TMEM200A: variants seen among roughly 807,000 people sequenced by gnomAD.
TMEM200A encodes the protein two transmembrane C.
In TMEM200A, 12 loss-of-function variants were observed where a neutral mutation model predicts 24.3. The ratio of observed to expected loss-of-function variants is 0.49; its 90% CI spans 0.32 to 0.80. TMEM200A has a LOEUF of 0.80. Ranked by LOEUF, TMEM200A falls within the 30% of genes least tolerant of loss-of-function variation. The pLI, the probability that TMEM200A is intolerant of heterozygous loss-of-function variation, is 0.04. For synonymous variants in TMEM200A, 224 were observed against 224.4 expected, an observed-to-expected ratio of 1.00 and a Z score of 0.02; for missense variants, 545 against 614.4, an observed-to-expected ratio of 0.89 and a Z score of 1.19.
In TMEM200A at chr6:130,441,742, G is replaced by A; in HGVS notation, c.1320G>A (p.Met440Ile). The change falls in exon 3 of 3, where the codon ATG becomes ATA. Residue 440 changes from methionine to isoleucine, a missense_variant. By Grantham distance (10) the Met-to-Ile change is conservative (BLOSUM62 1). Coordinates refer to ENST00000296978, the MANE Select transcript of TMEM200A (RefSeq NM_001258277.2). ...AACTAGAGAACAAAGAAGACCCGAT[G>A]GATAGGTTGCTTGTGCCCCAAGTTG... ...YMKLENKEDP[M>I]DRLLVPQVAI... The A allele has an allele frequency of 6.2e-7, 1 of 1,614,078 alleles. No individual in the cohort carries two copies. The highest frequency in any genetic ancestry group is 8.5e-7 in the Non-Finnish European group (1 of 1,179,982).
rs529031235 is a variant in TMEM200A, at chr6:130,369,777, C to G, written c.-81+3253C>G. On this transcript the variant is annotated intron_variant, in intron 1 of 2. Coordinates refer to ENST00000296978, the MANE Select transcript of TMEM200A (RefSeq NM_001258277.2). ...AAACTTTGTCACCAGAGGTGAAATT[C>G]CACAGAAGGCATAGAAATCTAGAAA... is the stretch of plus-strand genomic sequence containing the variant. Among the ~76,000 whole-genome samples, 17 of 152,262 alleles carry G rather than the reference C, an allele frequency of 1.1e-4. No individual in the cohort carries two copies. The South Asian group carries it at 3.5e-3, about 32-fold the overall frequency.
At chr6:130,412,459 A>G (rs1477587396) in intron 2 of TMEM200A, among the ~76,000 whole-genome samples, 3 of 151,984 alleles carry the variant, frequency 2.0e-5, no homozygotes, top group Non-Finnish European at 4.4e-5. Context: ...GCTCTCTCAG[A>G]TTCTAACACC....
intron 2 of TMEM200A, among the ~76,000 whole-genome samples, chr6:130,409,961 T>A (rs752532429): frequency 2.6e-4 from 40 of 152,148 alleles, no homozygotes; most frequent in Non-Finnish European, 5.3e-4. Flanking sequence ...TTTTAGAAGA[T>A]CTATGGTATT....
chr6:130,416,394 T>TAAGA (rs1779454064), intron 2 of TMEM200A, among the ~76,000 whole-genome samples: 2 of 152,126 alleles, frequency 1.3e-5, no homozygotes, highest in South Asian at 4.1e-4. Flanking sequence ...TCTAGGAATG[T>TAAGA]AAGAACCAAT....
At chr6:130,374,625 T>A (rs1432898965) in intron 1 of TMEM200A, among the ~76,000 whole-genome samples, 4 of 152,090 alleles carry the variant, frequency 2.6e-5, no homozygotes. Flanking sequence ...AGTTTCACCA[T>A]GTTGGCCAGG....
chr6:130,414,774 G>A (rs1356521966), intron 2 of TMEM200A, among the ~76,000 whole-genome samples: 1 of 152,134 alleles, frequency 6.6e-6, no homozygotes, highest in Non-Finnish European at 1.5e-5. Flanking sequence ...GTCATTTGAA[G>A]CATACTATGT....
chr6:130,383,657 A>C (rs1487486969), intron 1 of TMEM200A, among the ~76,000 whole-genome samples: 1 of 152,244 alleles, frequency 6.6e-6, no homozygotes, highest in Non-Finnish European at 1.5e-5. Context: ...GGTGGTTGGC[A>C]TCAAGGTAAA....
chr6:130,414,124 T>C (rs1432554203), intron 2 of TMEM200A, among the ~76,000 whole-genome samples: 1 of 152,084 alleles, frequency 6.6e-6, no homozygotes, highest in African/African-American at 2.4e-5. Context: ...ATGAATGTAA[T>C]TATGACATTA....
upstream of TMEM200A, chr6:130,365,541 G>C (rs2115053215): frequency 1.0e-6 from 1 of 985,344 alleles, no homozygotes; most frequent in Admixed American, 6.1e-5. Flanking sequence ...AGGGTCCTGC[G>C]GTGCCTGCTC....
At chr6:130,380,764 C>G (rs1468179743) in intron 1 of TMEM200A, among the ~76,000 whole-genome samples, 1 of 152,134 alleles carries the variant, frequency 6.6e-6, no homozygotes, top group African/African-American at 2.4e-5. Flanking sequence ...TGATTAACTA[C>G]ATTTATTTTA....
chr6:130,377,824 T>A (rs556971546), intron 1 of TMEM200A, among the ~76,000 whole-genome samples: 1 of 152,282 alleles, frequency 6.6e-6, no homozygotes, highest in South Asian at 2.1e-4. Flanking sequence ...ATGTATAATT[T>A]GTTGTGACAA....
chr6:130,424,445 T>C (rs1373676552), intron 2 of TMEM200A, among the ~76,000 whole-genome samples: 1 of 152,172 alleles, frequency 6.6e-6, no homozygotes, highest in African/African-American at 2.4e-5. Context: ...TTTTTCATAC[T>C]TTCCCCCAAA....
intron 2 of TMEM200A, among the ~76,000 whole-genome samples, chr6:130,434,386 G>A (rs1169536823): frequency 1.3e-5 from 2 of 152,212 alleles, no homozygotes; most frequent in Non-Finnish European, 2.9e-5. Context: ...GGAATGGCTG[G>A]ATCCAAAGAT....
chr6:130,366,003 T>G (rs917176784), upstream of TMEM200A: 113 of 985,360 alleles, frequency 1.1e-4, no homozygotes, highest in African/African-American at 1.9e-3. This position sits in a 1 kb window ranked among gnomAD's most constrained non-coding sequence, Gnocchi z 4.4. Context: ...GCGTGAGGTT[T>G]GGGGCTGGGA....
chr6:130,411,642 A>G (rs1476691254), intron 2 of TMEM200A, among the ~76,000 whole-genome samples: 1 of 152,186 alleles, frequency 6.6e-6, no homozygotes, highest in Non-Finnish European at 1.5e-5. Flanking sequence ...CTTGACTTTC[A>G]TAAACTGGAA....
chr6:130,373,503 C>A (rs936172542), intron 1 of TMEM200A, among the ~76,000 whole-genome samples: 17 of 152,224 alleles, frequency 1.1e-4, no homozygotes, highest in Admixed American at 1.1e-3. Context: ...TATTTTCCAA[C>A]TTCTAGACAA....
At chr6:130,431,408 T>C (rs1259759550) in intron 2 of TMEM200A, among the ~76,000 whole-genome samples, 8 of 152,194 alleles carry the variant, frequency 5.3e-5, no homozygotes, top group Non-Finnish European at 1.5e-5. Flanking sequence ...ATTTCCCGTG[T>C]CTTAGTAAAT....
intron 2 of TMEM200A, among the ~76,000 whole-genome samples, chr6:130,398,971 T>C (rs1397549043): frequency 1.3e-5 from 2 of 152,048 alleles, no homozygotes; most frequent in Admixed American, 6.6e-5. Flanking sequence ...AGTTATTTCA[T>C]TGATGATCCA....
intron 1 of TMEM200A, among the ~76,000 whole-genome samples, chr6:130,372,914 G>A (rs963307353): frequency 1.3e-5 from 2 of 152,118 alleles, no homozygotes; most frequent in African/African-American, 4.8e-5. Flanking sequence ...GTAAACAAAT[G>A]GTTACAATGC....
Sources: gnomAD v4.1 joint callset for allele counts (sites outside exome capture counted in the v4.1 genomes callset) on GRCh38, gnomAD v4.1.1 for gene constraint, Gnocchi (gnomAD v3.1) non-coding constraint, MANE v1.5 for transcripts, NCBI Gene and HGNC (gene_info 2026-07-23, HGNC 2026-07-21) for gene names.